The following BUB1B variants were observed in gnomAD, a reference collection of about 807,000 sequenced individuals.
BUB1B encodes the protein BUB1 mitotic checkpoint serine/threonine kinase B.
A neutral mutation model predicts 137.7 loss-of-function variants in BUB1B; 86 were observed. That is an observed-to-expected ratio of 0.62 (90% confidence interval 0.52 to 0.75). BUB1B has a LOEUF of 0.75. BUB1B is among the 30% of genes least tolerant of loss of function. The pLI, the probability that BUB1B is intolerant of heterozygous loss-of-function variation, is 0.00. For synonymous variants in BUB1B, 420 were observed against 417.9 expected (o/e 1.00, Z -0.06); for missense variants, 1,130 against 1,236.9 (o/e 0.91, Z 1.30).
intron 4 of BUB1B, 64 bp downstream of exon 4, chr15:40,170,745 A>G (rs2037152919): frequency 1.3e-6 from 2 of 1,551,930 alleles, no homozygotes; most frequent in Admixed American, 3.4e-5. Flanking sequence ...CTCTAGAGGT[A>G]TCTGGTATAC....
In BUB1B at chr15:40,171,377, C is replaced by T. The variant is rs561805628; in HGVS notation, c.384+696C>T. The stretch of plus-strand genomic sequence containing the variant: ...AGTCAGGGCAAAATTGGTGAGACCC[C>T]ATCTCATAAAGTACAGAAATTAACC... On this transcript the variant is annotated intron_variant, in intron 4 of 22. Coordinates refer to ENST00000287598, the MANE Select transcript of BUB1B (RefSeq NM_001211.6). Among the ~76,000 whole-genome samples, 6 of 152,046 alleles carry T rather than the reference C, an allele frequency of 3.9e-5. No homozygotes were observed. In the South Asian group the frequency reaches 1.2e-3, roughly 32 times the overall value.
chr15:40,165,945 C>T (rs986743933), intron 2 of BUB1B, among the ~76,000 whole-genome samples: 18 of 148,662 alleles, frequency 1.2e-4, no homozygotes, highest in Non-Finnish European at 2.1e-4. Context: ...CTCTGCCTCC[C>T]GGTTTTAAGT....
At chr15:40,168,332 A>C (rs1377710316) in intron 2 of BUB1B, among the ~76,000 whole-genome samples, 1 of 151,886 alleles carries the variant, frequency 6.6e-6, no homozygotes, top group Non-Finnish European at 1.5e-5. Context: ...GTGCCATTGC[A>C]CTCTAGCCTG....
chr15:40,213,181 T>A, intron 19 of BUB1B, 151 bp from the exon 20 acceptor site: 1 of 752,192 alleles, frequency 1.3e-6, no homozygotes. Context: ...GGCAGTGTTA[T>A]TAAAACTGGG....
rs915253836 is a variant in BUB1B, at chr15:40,165,059, C to T, written c.42C>T (p.Ala14=). 3.7e-6 allele frequency: 6 copies of T among 1,614,124 alleles called. No homozygotes were observed. The highest frequency in any genetic ancestry group is 5.1e-6 in the Non-Finnish European group (6 of 1,180,026). The part of the protein sequence containing the change: ...VKKEGGALSE[A]MSLEGDEWEL... ...TTTGTTTCCTTCTTCACAGTGAAGC[C>T]ATGTCCCTGGAGGGAGATGAATGGG... The change falls in exon 2 of 23, where the codon GCC becomes GCT. Residue 14 remains alanine (A), a synonymous_variant. Coordinates refer to ENST00000287598, the MANE Select transcript of BUB1B (RefSeq NM_001211.6).
At chr15:40,214,840 C>G (rs140988186) in intron 20 of BUB1B, among the ~76,000 whole-genome samples, 3 of 146,912 alleles carry the variant, frequency 2.0e-5, no homozygotes, top group African/African-American at 5.0e-5. Context: ...TATTCCCCCC[C>G]ACCCACCCAA....
At chr15:40,199,486 C>T in intron 9 of BUB1B, 129 bp from the exon 10 acceptor site, 4 of 729,706 alleles carry the variant, frequency 5.5e-6, no homozygotes, top group African/African-American at 1.8e-5. Flanking sequence ...AGTTGAGGAC[C>T]TTATTCCACT....
At chr15:40,178,622 T>C (rs2037248553) in intron 5 of BUB1B, among the ~76,000 whole-genome samples, 1 of 152,156 alleles carries the variant, frequency 6.6e-6, no homozygotes, top group South Asian at 2.1e-4. Context: ...TTGATGACTT[T>C]CTGTCTACTT....
chr15:40,209,416 T>G (rs1250626927), intron 16 of BUB1B, among the ~76,000 whole-genome samples: 1 of 152,242 alleles, frequency 6.6e-6, no homozygotes, highest in Non-Finnish European at 1.5e-5. Context: ...AGAGCGAGAC[T>G]CCGTCTCAAA....
chr15:40,205,180 C>T (rs1200255365), intron 14 of BUB1B, among the ~76,000 whole-genome samples: 1 of 152,088 alleles, frequency 6.6e-6, no homozygotes, highest in East Asian at 1.9e-4. Flanking sequence ...CGCCTGACCT[C>T]AGGTGATCCA....
In BUB1B at chr15:40,221,072, TTC is replaced by T; in HGVS notation, c.*317_*318del. ...TTTCCCATTTGTAATTTGTAAAATG[TTC>T]TCTTATGATCACCATGTATTTTGTA... is the stretch of plus-strand genomic sequence containing the variant. On this transcript the variant is annotated 3_prime_UTR_variant, in exon 23 of 23. Transcript: ENST00000287598. 4.9e-6 allele frequency: 2 copies of T among 406,714 alleles called. No individual in the cohort carries two copies. The highest frequency in any genetic ancestry group is 9.0e-6 in the Non-Finnish European group (2 of 221,932). 25.2% of individuals were successfully genotyped at this position (406,714 alleles called of 1,614,324 possible). A position where few individuals can be genotyped will look rare whatever the true frequency, so the allele number is the denominator to read the frequency against.
In BUB1B at chr15:40,176,610, C is replaced by T. The variant is rs552380700; in HGVS notation, c.518C>T (p.Ala173Val). 6.2e-6 allele frequency: 10 copies of T among 1,613,986 alleles called. 1 individual carries two copies. Among genetic ancestry groups the T allele is most frequent in the East Asian group, 2.2e-5 (1 of 44,848 alleles). ...AGAGAAAACTTTAGGAAAGCAGATGCGATATTTCAGGAAGGGATTCAACAG... is the reference window on the plus strand; with the variant it reads ...AGAGAAAACTTTAGGAAAGCAGATGTGATATTTCAGGAAGGGATTCAACAG... ...EARENFRKAD[A>V]IFQEGIQQKA... Residue 173 changes from alanine to valine, a missense_variant, in exon 5 of 23, where the codon GCG becomes GTG. Transcript: ENST00000287598.
At chr15:40,176,288 A>C (rs962672304) in intron 4 of BUB1B, among the ~76,000 whole-genome samples, 189 bp from the exon 5 acceptor site, 1 of 151,006 alleles carries the variant, frequency 6.6e-6, no homozygotes, top group South Asian at 2.1e-4. Flanking sequence ...TTACTCTCCA[A>C]CTCTTCTTAC....
intron 4 of BUB1B, among the ~76,000 whole-genome samples, chr15:40,174,199 A>G (rs1205523090): frequency 6.6e-6 from 1 of 152,246 alleles, no homozygotes; most frequent in African/African-American, 2.4e-5. Context: ...ATGTTAAGCT[A>G]TATTTATGTA....
At chr15:40,166,356 T>C (rs2037098066) in intron 2 of BUB1B, 1 of 439,316 alleles carries the variant, frequency 2.3e-6, no homozygotes. Flanking sequence ...TTTTTTCTTT[T>C]AGAGACGGAG....
chr15:40,216,442 A>G (rs890151780), intron 20 of BUB1B, among the ~76,000 whole-genome samples: 2 of 151,468 alleles, frequency 1.3e-5, no homozygotes, highest in South Asian at 4.2e-4. Flanking sequence ...CTTGTCTAAG[A>G]AACCAAACAA....
chr15:40,202,165 G>C (rs1172331051), intron 12 of BUB1B, among the ~76,000 whole-genome samples: 1 of 152,068 alleles, frequency 6.6e-6, no homozygotes, highest in Non-Finnish European at 1.5e-5. Context: ...AAATAATCCT[G>C]TTGGGTTGGG....
At chr15:40,170,396 G>A (rs1234529749) in intron 3 of BUB1B, 141 bp from the exon 4 acceptor site, 5 of 1,025,872 alleles carry the variant, frequency 4.9e-6, no homozygotes, top group Non-Finnish European at 5.9e-6. Context: ...GAAGTTTGAG[G>A]GATACAGGCT....
intron 20 of BUB1B, among the ~76,000 whole-genome samples, chr15:40,214,284 G>A (rs1045547378): frequency 2.6e-5 from 4 of 152,166 alleles, no homozygotes; most frequent in African/African-American, 9.7e-5. Flanking sequence ...CAGGTTCAAG[G>A]GGTGAGCACA....
Sources: allele counts gnomAD v4.1 joint callset (sites outside exome capture counted in the v4.1 genomes callset), GRCh38; gene constraint gnomAD v4.1.1; transcripts MANE v1.5; gene names NCBI Gene and HGNC (gene_info 2026-07-23, HGNC 2026-07-21).